ZNF705A: variants seen among roughly 807,000 people sequenced by gnomAD.
ZNF705A encodes the protein zinc finger protein 705A.
ZNF705A carries 8 observed loss-of-function variants against 16.6 expected under a neutral mutation model. The ratio of observed to expected loss-of-function variants is 0.48; its 90% CI spans 0.28 to 0.87. The LOEUF (loss-of-function observed/expected upper bound fraction) is 0.87. Among genes scored for constraint, ZNF705A ranks in the 40% least tolerant of loss-of-function variants. The pLI, the probability that ZNF705A is intolerant of heterozygous loss-of-function variation, is 0.10. For missense variants in ZNF705A, 233 were observed against 359.9 expected, an observed-to-expected ratio of 0.65 and a Z score of 2.85; for synonymous variants, 73 against 117.3, an observed-to-expected ratio of 0.62 and a Z score of 2.44.
intron 1 of ZNF705A, among the ~76,000 whole-genome samples, chr12:8,160,823 C>T (rs1473663071): frequency 6.6e-6 from 1 of 152,102 alleles, no homozygotes; most frequent in Non-Finnish European, 1.5e-5. Context: ...TTATTTCTTT[C>T]TCTTTTCTGA....
chr12:8,168,586 A>G (rs149940444), upstream of ZNF705A, among the ~76,000 whole-genome samples: 2,978 of 152,324 alleles, frequency 0.02, 105 homozygotes, highest in African/African-American at 0.069. Flanking sequence ...ACATGTGACT[A>G]TAAACTGTAA....
chr12:8,158,758 T>TGA (rs1201806874), intron 1 of ZNF705A, among the ~76,000 whole-genome samples: 1 of 152,138 alleles, frequency 6.6e-6, no homozygotes, highest in African/African-American at 2.4e-5. Context: ...TTTTTTTCTC[T>TGA]GGATATGATA....
chr12:8,167,694 C>T (rs1186713765), upstream of ZNF705A, among the ~76,000 whole-genome samples: 1 of 152,120 alleles, frequency 6.6e-6, no homozygotes, highest in Non-Finnish European at 1.5e-5. Context: ...ATACTGTTAC[C>T]AGTAGAAGAG....
chr12:8,163,618 A>G (rs1948375299), intron 1 of ZNF705A, among the ~76,000 whole-genome samples: 1 of 152,246 alleles, frequency 6.6e-6, no homozygotes, highest in South Asian at 2.1e-4. Context: ...TGTATATAAA[A>G]TTAATGTCTG....
intron 4 of ZNF705A, 126 bp downstream of exon 5, chr12:8,176,068 A>C: frequency 6.9e-7 from 1 of 1,450,200 alleles, no homozygotes; most frequent in Non-Finnish European, 9.4e-7. Context: ...AGCAAAAAAA[A>C]ATTGAATACT....
At chr12:8,158,146 A>T (rs1439963770) in intron 1 of ZNF705A, among the ~76,000 whole-genome samples, 1 of 152,126 alleles carries the variant, frequency 6.6e-6, no homozygotes, top group Admixed American at 6.5e-5. Context: ...AGGGAGTAGG[A>T]TGTGTTTGCT....
chr12:8,177,062 A>C (rs1186941618), exon 5 of ZNF705A: 2 of 1,610,788 alleles, frequency 1.2e-6, no homozygotes, highest in Non-Finnish European at 1.7e-6. Context: ...TTGCACTCAC[A>C]GTTCCACAAT....
chr12:8,163,071 G>A (rs1438456986), intron 1 of ZNF705A, among the ~76,000 whole-genome samples: 9 of 152,110 alleles, frequency 5.9e-5, no homozygotes, highest in Non-Finnish European at 8.8e-5. Flanking sequence ...AAACAACAGC[G>A]AAAGACCACC....
intron 1 of ZNF705A, among the ~76,000 whole-genome samples, chr12:8,158,176 A>T (rs1948325293): frequency 6.6e-6 from 1 of 152,104 alleles, no homozygotes; most frequent in Non-Finnish European, 1.5e-5. Context: ...ATGTTTCTCT[A>T]GGCCTGATAA....
chr12:8,165,038 T>C (rs944917278), intron 1 of ZNF705A, among the ~76,000 whole-genome samples: 21 of 152,196 alleles, frequency 1.4e-4, no homozygotes, highest in Admixed American at 3.3e-4. Flanking sequence ...CATACTATTA[T>C]CTGAAATGGA....
chr12:8,164,451 G>A (rs1251349593), intron 1 of ZNF705A, among the ~76,000 whole-genome samples: 11 of 152,162 alleles, frequency 7.2e-5, no homozygotes, highest in Admixed American at 2.0e-4. Flanking sequence ...ATTCCATTGC[G>A]TATATGTATT....
chr12:8,164,829 A>G (rs1948384510), intron 1 of ZNF705A, among the ~76,000 whole-genome samples: 1 of 152,218 alleles, frequency 6.6e-6, no homozygotes, highest in Non-Finnish European at 1.5e-5. Context: ...AGAATGATTT[A>G]TATTCCTTTG....
chr12:8,166,561 GC>G (rs1948400845), intron 1 of ZNF705A, among the ~76,000 whole-genome samples: 1 of 152,282 alleles, frequency 6.6e-6, no homozygotes, highest in Admixed American at 6.5e-5. Context: ...TTTGCCTTCT[GC>G]CTCCCCCCAA....
chr12:8,159,086 C>G (rs1948332820), intron 1 of ZNF705A, among the ~76,000 whole-genome samples: 3 of 152,194 alleles, frequency 2.0e-5, no homozygotes, highest in Middle Eastern at 3.4e-3. Context: ...TCCTGAGTTG[C>G]TTCACTTAGA....
At chr12:8,164,398 G>A (rs1057103547) in intron 1 of ZNF705A, among the ~76,000 whole-genome samples, 1 of 152,154 alleles carries the variant, frequency 6.6e-6, no homozygotes, top group African/African-American at 2.4e-5. Flanking sequence ...CATCCATGTT[G>A]TCACAAATGA....
chr12:8,176,454 G>C (rs1948484829), intron 4 of ZNF705A, among the ~76,000 whole-genome samples: 1 of 152,120 alleles, frequency 6.6e-6, no homozygotes, highest in Non-Finnish European at 1.5e-5. Context: ...GTAAAAGGTA[G>C]GTAGAAAAAA....
upstream of ZNF705A, among the ~76,000 whole-genome samples, chr12:8,171,551 C>T (rs369157156): frequency 1.8e-4 from 28 of 152,284 alleles, 1 homozygote; most frequent in East Asian, 4.2e-3. Context: ...ATTTCTCCCA[C>T]CCCTACGTCA....
intron 1 of ZNF705A, among the ~76,000 whole-genome samples, chr12:8,164,255 G>A (rs1948380783): frequency 6.6e-6 from 1 of 152,044 alleles, no homozygotes; most frequent in Admixed American, 6.6e-5. Context: ...CAGCACCAGG[G>A]CCCCTGGCAA....
Position 8,177,281 on chromosome 12 carries a change from G to T in ZNF705A, c.601G>T (p.Ala201Ser). 2.5e-6 allele frequency: 4 copies of T among 1,611,822 alleles called. No homozygotes were observed. Among genetic ancestry groups the T allele is most frequent in the Non-Finnish European group, 2.5e-6 (3 of 1,179,698 alleles). Residue 201 changes from alanine to serine, a missense_variant, in exon 5 of 5, where the codon GCA (alanine) becomes TCA (serine). Ala to Ser is a moderately conservative substitution (Grantham distance 99). Transcript: ENST00000359286. ...GACTCACACTGGAGAGAGGCCATAT[G>T]CATGTCATCTATGTGGAAAAGCCTT...
Sources: gnomAD v4.1 joint callset for allele counts (sites outside exome capture counted in the v4.1 genomes callset) on GRCh38, gnomAD v4.1.1 for gene constraint, MANE v1.5 for transcripts, NCBI Gene and HGNC (gene_info 2026-07-23, HGNC 2026-07-21) for gene names.